The following IL5RA variants were observed in gnomAD, a reference collection of about 807,000 sequenced individuals.
IL5RA encodes interleukin 5 receptor subunit alpha.
IL5RA carries 49 observed loss-of-function variants against 50.0 expected under a neutral mutation model. That is an observed-to-expected ratio of 0.98 (90% CI 0.78 to 1.24). The LOEUF (loss-of-function observed/expected upper bound fraction) is 1.24, where lower values mean the gene tolerates loss of function less well. IL5RA is among the 50% of genes most tolerant of loss of function. The pLI is 0.00. For missense variants in IL5RA, 600 were observed against 500.4 expected, an observed-to-expected ratio of 1.20 and a Z score of -1.90; for synonymous variants, 202 against 174.0, an observed-to-expected ratio of 1.16 and a Z score of -1.26.
intron 9 of IL5RA, among the ~76,000 whole-genome samples, chr3:3,083,037 C>T (rs1702722044): frequency 1.3e-5 from 2 of 152,200 alleles, no homozygotes; most frequent in Non-Finnish European, 2.9e-5. Flanking sequence ...GTTCAAATGG[C>T]ACCAACAGGG....
intron 1 of IL5RA, among the ~76,000 whole-genome samples, chr3:3,109,067 C>G (rs973561541): frequency 6.6e-6 from 1 of 152,110 alleles, no homozygotes; most frequent in Non-Finnish European, 1.5e-5. Context: ...GCTATAAAAG[C>G]ACCATCACTT....
chr3:3,107,204 C>A (rs965972453), intron 2 of IL5RA, among the ~76,000 whole-genome samples: 1 of 151,524 alleles, frequency 6.6e-6, no homozygotes, highest in Non-Finnish European at 1.5e-5. Flanking sequence ...GTCCTATAGG[C>A]AGCACAAGGT....
intron 5 of IL5RA, among the ~76,000 whole-genome samples, chr3:3,101,024 C>A (rs895603018): frequency 1.5e-5 from 2 of 135,228 alleles, no homozygotes; most frequent in Non-Finnish European, 1.7e-5. Context: ...AATAATAATA[C>A]AAAAATTAGT....
chr3:3,075,849 T>C (rs1327838010), intron 10 of IL5RA, among the ~76,000 whole-genome samples: 6 of 151,862 alleles, frequency 4.0e-5, no homozygotes, highest in Admixed American at 6.6e-5. Context: ...GTCCACCCGC[T>C]GTGGCCTCCC....
At chr3:3,084,525 G>C (rs1702783368) in intron 9 of IL5RA, among the ~76,000 whole-genome samples, 1 of 152,234 alleles carries the variant, frequency 6.6e-6, no homozygotes, top group Admixed American at 6.5e-5. Context: ...GCCTGAAGAG[G>C]CTAACTTCAT....
chr3:3,080,103 A>G (rs887975409), intron 9 of IL5RA, among the ~76,000 whole-genome samples: 2 of 152,272 alleles, frequency 1.3e-5, no homozygotes, highest in Non-Finnish European at 2.9e-5. Context: ...TTTATAAAGT[A>G]TAAAAAAGAA....
rs1195915292 is a variant in IL5RA, at chr3:3,098,131, A to T, written c.521+6T>A. On this transcript the variant is annotated splice_donor_region_variant and intron_variant, in intron 6 of 11. Coordinates refer to ENST00000446632, the MANE Select transcript of IL5RA (RefSeq NM_175726.4). ...TTGCCTAAGTAAAAATAGGTACAGT[A>T]CTAACCTATAGTAGAGAAAATACTG... is the stretch of plus-strand genomic sequence containing the variant. 1.4e-5 allele frequency: 23 copies of T among 1,613,938 alleles called. No individual in the cohort carries two copies. The highest frequency in any genetic ancestry group is 1.9e-5 in the Non-Finnish European group (23 of 1,179,896).
At chr3:3,082,308 C>T (rs575077336) in intron 9 of IL5RA, among the ~76,000 whole-genome samples, 22 of 152,194 alleles carry the variant, frequency 1.4e-4, no homozygotes, top group Non-Finnish European at 1.0e-4. Context: ...ACTCTCTGCT[C>T]TGACTCAAGG....
chr3:3,094,713 GTTTTTTGTT>G (rs1210207333), intron 8 of IL5RA, among the ~76,000 whole-genome samples: 1 of 148,510 alleles, frequency 6.7e-6, no homozygotes, highest in Non-Finnish European at 1.5e-5. Flanking sequence ...CATTATTTTA[GTTTTTTGTT>G]TTTTTGTTTT....
chr3:3,089,956 A>G (rs1703020921), intron 9 of IL5RA: 2 of 411,778 alleles, frequency 4.9e-6, no homozygotes, highest in Non-Finnish European at 8.7e-6. Flanking sequence ...AGCACTTTAA[A>G]GCTTGCAGAA....
At chr3:3,106,886 A>G (rs17886716) in intron 2 of IL5RA, among the ~76,000 whole-genome samples, 3,396 of 149,446 alleles carry the variant, frequency 0.023, 121 homozygotes, top group African/African-American at 0.077. Flanking sequence ...GCAAAGTAAA[A>G]CTATGTTATA....
rs776162027 is a variant in IL5RA at position 3,076,643 on chromosome 3, A to G, written c.995-16T>C. 1 of 1,521,416 alleles carries G rather than the reference A, an allele frequency of 6.6e-7. No homozygotes were observed. Among genetic ancestry groups the G allele is most frequent in the Non-Finnish European group, 9.1e-7 (1 of 1,101,656 alleles). 94.2% of individuals were successfully genotyped at this position (1,521,416 alleles called of 1,614,324 possible). A position where few individuals can be genotyped will look rare whatever the true frequency, so the allele number is the denominator to read the frequency against. On this transcript the variant is annotated splice_polypyrimidine_tract_variant and intron_variant, in intron 9 of 11. Transcript: ENST00000446632. The stretch of plus-strand genomic sequence containing the variant: ...TCATCATTTCCTGGTGGAAAACAAA[A>G]AAGAAACAAAAAAATATAAAGTCCA...
At position 3,067,089 on chromosome 3, in the gene IL5RA, C is replaced by T. The variant is rs1428062722; in HGVS notation, c.*3136G>A. The T allele has an allele frequency of 6.6e-6, 1 of 152,214 alleles. No homozygotes were observed. Among genetic ancestry groups the T allele is most frequent in the Non-Finnish European group, 1.5e-5 (1 of 68,062 alleles). The allele number at this position is 152,214 out of a possible 1,614,324, so 9.4% of individuals were successfully genotyped here. A position where few individuals can be genotyped will look rare whatever the true frequency, so the allele number is the denominator to read the frequency against. ...TTTACTGTTAAGTGAATTTCAAACT[C>T]TTTGACTTGCTATGACAAGGCTGGT... On this transcript the variant is annotated 3_prime_UTR_variant, in exon 12 of 12. Coordinates refer to ENST00000446632, the MANE Select transcript of IL5RA (RefSeq NM_175726.4).
chr3:3,097,910 A>T lies in IL5RA; in HGVS notation c.669T>A (p.Ala223=), dbSNP rs778926029. ...VLVNGSSKHS[A]IRPFDQLFAL... ...CAAACAGCTGATCAAAGGGCCTGATAGCAGAGTGCTTGCTGGAGCCGTTAA... is the reference window on the plus strand; with the variant it reads ...CAAACAGCTGATCAAAGGGCCTGATTGCAGAGTGCTTGCTGGAGCCGTTAA... The change falls in exon 7 of 12, where the codon GCT becomes GCA. Residue 223 remains alanine, a synonymous_variant. Coordinates refer to ENST00000446632, the MANE Select transcript of IL5RA (RefSeq NM_175726.4). The T allele has an allele frequency of 3.7e-6, 6 of 1,614,226 alleles. No homozygotes were observed. The East Asian group carries it at 1.3e-4, about 36-fold the overall frequency.
intron 5 of IL5RA, 110 bp from the exon 6 acceptor site, chr3:3,098,400 A>G: frequency 1.1e-6 from 1 of 924,488 alleles, no homozygotes. Flanking sequence ...CCAAAAAATA[A>G]TCATCTTCAC....
chr3:3,103,323 T>G (rs970676593), intron 3 of IL5RA, among the ~76,000 whole-genome samples: 1 of 152,246 alleles, frequency 6.6e-6, no homozygotes, highest in Non-Finnish European at 1.5e-5. Context: ...ATTTTCAAAC[T>G]GAGAGTCATT....
At chr3:3,075,224 T>TTTTTTTG (rs1702436254) in intron 10 of IL5RA, among the ~76,000 whole-genome samples, 1 of 148,414 alleles carries the variant, frequency 6.7e-6, no homozygotes, top group Non-Finnish European at 1.5e-5. Context: ...TTTTTTTTTT[T>TTTTTTTG]TTTGGTCTTG....
Position 3,069,046 on chromosome 3 carries a change from G to A in IL5RA, c.*1179C>T, listed in dbSNP as rs1702213529. ...ATCAAAACTGACTAAAACACCTCCA[G>A]AAAGCATTTAAAGAGTGTGCCAGGT... On this transcript the variant is annotated 3_prime_UTR_variant, in exon 12 of 12. Transcript: ENST00000446632. 6.6e-6 allele frequency: 1 copy of A among 152,182 alleles called. No homozygotes were observed. The highest frequency in any genetic ancestry group is 2.4e-5 in the African/African-American group (1 of 41,440). The allele number at this position is 152,182 out of a possible 1,614,324, so 9.4% of individuals were successfully genotyped here.
intron 11 of IL5RA, among the ~76,000 whole-genome samples, chr3:3,073,047 G>A (rs1559859585): frequency 6.6e-6 from 1 of 152,168 alleles, no homozygotes; most frequent in African/African-American, 2.4e-5. Flanking sequence ...CAGTGAACAA[G>A]AGCAGATGGG....
Sources: gnomAD v4.1 joint callset for allele counts (sites outside exome capture counted in the v4.1 genomes callset) on GRCh38, gnomAD v4.1.1 for gene constraint, MANE v1.5 for transcripts, NCBI Gene and HGNC (gene_info 2026-07-23, HGNC 2026-07-21) for gene names.